The following MROH2B variants were observed in gnomAD, a reference collection of about 807,000 sequenced individuals.
The protein encoded by MROH2B is maestro heat like repeat family member 2B.
Under a neutral mutation model 208.6 loss-of-function variants are expected in MROH2B, and 177 were observed. The ratio of observed to expected loss-of-function variants is 0.85; its 90% confidence interval spans 0.75 to 0.96. MROH2B has a LOEUF of 0.96. Among genes scored for constraint, MROH2B ranks in the 40% least tolerant of loss-of-function variants. The pLI is 0.00. For missense variants in MROH2B, 2,002 were observed against 1,878.7 expected, an observed-to-expected ratio of 1.07 and a Z score of -1.21; for synonymous variants, 728 against 659.0, an observed-to-expected ratio of 1.10 and a Z score of -1.60.
At position 41,015,399 on chromosome 5, in the gene MROH2B, A is replaced by T. The variant is rs1483977289; in HGVS notation, c.2964T>A (p.Ile988=). ...ESDDVQVQIK[I]SSKIAKIVSK... The stretch of plus-strand genomic sequence containing the variant: ...TTATTACCTTAGCTATTTTAGAAGA[A>T]ATCTTGATCTGAACCTGCACGTCAT... The change falls in exon 29 of 42, where the codon ATT becomes ATA. Residue 988 remains isoleucine, a synonymous_variant. Transcript: ENST00000399564. 5 of 1,613,426 alleles carry T rather than the reference A, an allele frequency of 3.1e-6. No homozygotes were observed. The highest frequency in any genetic ancestry group is 1.3e-5 in the African/African-American group (1 of 75,020).
At chr5:41,063,359 T>C (rs1198189505) in intron 5 of MROH2B, among the ~76,000 whole-genome samples, 2 of 152,216 alleles carry the variant, frequency 1.3e-5, no homozygotes, top group East Asian at 1.9e-4. Context: ...CTCTGCCATG[T>C]ACTGGCTGTG....
At chr5:41,001,882 A>T (rs1414075399) in intron 37 of MROH2B, among the ~76,000 whole-genome samples, 1 of 152,188 alleles carries the variant, frequency 6.6e-6, no homozygotes, top group Non-Finnish European at 1.5e-5. Flanking sequence ...AAACTAGTTT[A>T]AAATACCCAT....
chr5:41,013,283 G>T (rs538362977), intron 29 of MROH2B, among the ~76,000 whole-genome samples: 3 of 152,210 alleles, frequency 2.0e-5, no homozygotes, highest in African/African-American at 4.8e-5. Context: ...TCCATAAAAG[G>T]TCAATAAAAT....
intron 24 of MROH2B, among the ~76,000 whole-genome samples, chr5:41,028,216 A>T (rs1030789300): frequency 6.6e-6 from 1 of 152,164 alleles, no homozygotes; most frequent in African/African-American, 2.4e-5. Context: ...GTAAAAGGTT[A>T]CCATAATGAA....
intron 18 of MROH2B, among the ~76,000 whole-genome samples, chr5:41,044,821 A>T (rs1460266643): frequency 6.6e-6 from 1 of 152,230 alleles, no homozygotes; most frequent in East Asian, 1.9e-4. Flanking sequence ...TTCCAGGAAA[A>T]TAAACTTATG....
intron 37 of MROH2B, among the ~76,000 whole-genome samples, chr5:41,001,933 C>A (rs1176542988): frequency 3.3e-5 from 5 of 151,864 alleles, no homozygotes; most frequent in Non-Finnish European, 7.4e-5. Context: ...TCCTGAATAG[C>A]AGAATATTAT....
At position 41,015,421 on chromosome 5, in the gene MROH2B, T is replaced by A. The variant is rs370269645; in HGVS notation, c.2942A>T (p.Asp981Val). The A allele has an allele frequency of 1.2e-6, 2 of 1,613,540 alleles. No homozygotes were observed. The highest frequency in any genetic ancestry group is 1.7e-6 in the Non-Finnish European group (2 of 1,179,692). Reference sequence around the variant, plus strand: ...AGAAATCTTGATCTGAACCTGCACGTCATCACTTTCCAGCCCTTCCTGCAA... The same window carrying A: ...AGAAATCTTGATCTGAACCTGCACGACATCACTTTCCAGCCCTTCCTGCAA... ...QGLQEGLESD[D>V]VQVQIKISSK... is the part of the protein sequence containing the mutation. The change falls in exon 29 of 42, where the codon GAC (aspartate) becomes GTC (valine). Residue 981 changes from aspartate to valine, a missense_variant. Coordinates refer to ENST00000399564, the MANE Select transcript of MROH2B (RefSeq NM_173489.5).
Position 40,998,632 on chromosome 5 carries a change from T to A in MROH2B, c.4631A>T (p.Asp1544Val). Residue 1544 changes from aspartate to valine, a missense_variant, in exon 41 of 42, where the codon GAC (aspartate) becomes GTC (valine). Transcript: ENST00000399564. The stretch of plus-strand genomic sequence containing the variant: ...CTCACGTGTGGTCAGTTGTTCTCTG[T>A]CTAGTAACTCCACATATTGGCTGGT... ...NLTSQYVELL[D>V]REQLTTRLQA... 1.9e-6 allele frequency: 3 copies of A among 1,596,876 alleles called. No homozygotes were observed. Among genetic ancestry groups the A allele is most frequent in the Non-Finnish European group, 2.6e-6 (3 of 1,171,030 alleles).
At chr5:41,051,943 A>C (rs1743297589) in intron 12 of MROH2B, among the ~76,000 whole-genome samples, 1 of 152,162 alleles carries the variant, frequency 6.6e-6, no homozygotes, top group South Asian at 2.1e-4. Flanking sequence ...ACCCTAATAA[A>C]CTTATTTATG....
At chr5:41,003,431 T>C (rs1741468713) in intron 37 of MROH2B, among the ~76,000 whole-genome samples, 1 of 151,934 alleles carries the variant, frequency 6.6e-6, no homozygotes, top group East Asian at 1.9e-4. Flanking sequence ...ATAGTTAGCA[T>C]GCCAAAATCA....
chr5:41,031,967 G>A (rs192895131), intron 24 of MROH2B, among the ~76,000 whole-genome samples: 1 of 152,222 alleles, frequency 6.6e-6, no homozygotes, highest in Admixed American at 6.6e-5. Flanking sequence ...TCTTTATCCA[G>A]TCGACCATGG....
chr5:41,070,049 T>G (rs1448307989), intron 1 of MROH2B, among the ~76,000 whole-genome samples: 1 of 152,198 alleles, frequency 6.6e-6, no homozygotes, highest in Non-Finnish European at 1.5e-5. Context: ...GTAAATTCTC[T>G]CTTGCAGGAT....
rs1406172824 is a variant in MROH2B at position 41,034,881 on chromosome 5, T to A, written c.2215-1017A>T. On this transcript the variant is annotated intron_variant, in intron 21 of 41. Transcript: ENST00000399564. ...ACAAAGAAAATGAAATACCTAGGGA[T>A]ACAGTTAACTAAGGTCATGAAAGAT... Among the ~76,000 whole-genome samples, 10 of 152,114 alleles carry A rather than the reference T, an allele frequency of 6.6e-5. No homozygotes were observed. In the South Asian group the frequency reaches 2.1e-3, roughly 32 times the overall value.
chr5:41,000,139 T>G lies in MROH2B; in HGVS notation c.4482+81A>C, dbSNP rs1741339746. 5 of 1,560,022 alleles carry G rather than the reference T, an allele frequency of 3.2e-6. No homozygotes were observed. The South Asian group carries it at 6.0e-5, about 19-fold the overall frequency. On this transcript the variant is annotated intron_variant, in intron 39 of 41. Coordinates refer to ENST00000399564, the MANE Select transcript of MROH2B (RefSeq NM_173489.5). ...AGTTCTGGCTCTGGCCAGAAATTCC[T>G]TGCTACATTGTTTGCCCTTCTGCGA...
At chr5:41,039,801 G>A (rs1373230367) in intron 19 of MROH2B, among the ~76,000 whole-genome samples, 1 of 152,194 alleles carries the variant, frequency 6.6e-6, no homozygotes. Context: ...GCCAGATGGT[G>A]ATGAGTGCTA....
Position 41,047,735 on chromosome 5 carries a change from T to G in MROH2B, c.1714A>C (p.Thr572Pro). The change falls in exon 17 of 42, where the codon ACC (threonine) becomes CCC (proline). Residue 572 changes from threonine (T) to proline (P), a missense_variant. Coordinates refer to ENST00000399564, the MANE Select transcript of MROH2B (RefSeq NM_173489.5). ...GCCAGCCTTACCTGAAGCAGCATGG[T>G]TTCCCATAGAACGGTACTGATGTTC... is the stretch of plus-strand genomic sequence containing the variant. ...GKNISTVLWE[T>P]MLLQLLKESL... The G allele has an allele frequency of 1.9e-6, 3 of 1,595,728 alleles. No homozygotes were observed. Among genetic ancestry groups the G allele is most frequent in the Non-Finnish European group, 2.6e-6 (3 of 1,170,278 alleles).
At chr5:41,030,525 G>A (rs1579929985) in intron 24 of MROH2B, among the ~76,000 whole-genome samples, 1 of 151,952 alleles carries the variant, frequency 6.6e-6, no homozygotes, top group Admixed American at 6.6e-5. Flanking sequence ...AAGAATCAAT[G>A]TTGTGAAAAT....
At chr5:41,052,387 T>C (rs1377796669) in intron 12 of MROH2B, 78 bp downstream of exon 12, 67 of 1,372,484 alleles carry the variant, frequency 4.9e-5, no homozygotes, top group Non-Finnish European at 6.4e-5. Flanking sequence ...AGGATCCTAA[T>C]CATTTTTTAA....
intron 33 of MROH2B, 109 bp from the exon 34 acceptor site, chr5:41,007,563 G>A (rs1741636625): frequency 2.8e-6 from 3 of 1,077,972 alleles, no homozygotes. Context: ...CCTGGACTAG[G>A]GGATGTTGTG....
Sources: gnomAD v4.1 joint callset for allele counts (sites outside exome capture counted in the v4.1 genomes callset) on GRCh38, gnomAD v4.1.1 for gene constraint, MANE v1.5 for transcripts, NCBI Gene and HGNC (gene_info 2026-07-23, HGNC 2026-07-21) for gene names.